Variants in ADARB2 observed in about 807,000 individuals in gnomAD.
ADARB2 encodes the protein adenosine deaminase RNA specific B2 (inactive).
A neutral mutation model predicts 62.2 loss-of-function variants in ADARB2; 25 were observed. The observed-to-expected ratio is 0.40, with a 90% CI of 0.29 to 0.56. The LOEUF (loss-of-function observed/expected upper bound fraction) is 0.56, where lower values mean the gene tolerates loss of function less well. Among genes scored for constraint, ADARB2 ranks in the 20% least tolerant of loss-of-function variants. ADARB2 has a pLI of 0.43. For synonymous variants in ADARB2, 572 were observed against 500.8 expected, an observed-to-expected ratio of 1.14 and a Z score of -1.90; for missense variants, 1,071 against 1,077.4, an observed-to-expected ratio of 0.99 and a Z score of 0.08.
At chr10:1,633,471 AAAAACCC>A (rs1443246988) in intron 1 of ADARB2, among the ~76,000 whole-genome samples, 2 of 152,168 alleles carry the variant, frequency 1.3e-5, no homozygotes, top group Non-Finnish European at 2.9e-5. Flanking sequence ...CAAAATCTGA[AAAAACCC>A]AAATCCCAAG....
chr10:1,216,995 C>G lies in ADARB2; in HGVS notation c.1638G>C (p.Leu546=), dbSNP rs142381078. ...SAVQTWDGVL[L]GEQLITMSCT... ...AGGACATGGTGATCAGCTGCTCCCC[C>G]AGCAGGACGCCGTCCCAGGTCTGCA... The change falls in exon 7 of 10, where the codon CTG becomes CTC. Residue 546 remains leucine, a synonymous_variant. Transcript: ENST00000381312. 2 of 1,610,108 alleles carry G rather than the reference C, an allele frequency of 1.2e-6. No individual in the cohort carries two copies. Among genetic ancestry groups the G allele is most frequent in the East Asian group, 2.2e-5 (1 of 44,866 alleles).
intron 1 of ADARB2, among the ~76,000 whole-genome samples, chr10:1,481,724 G>T (rs1177884535): frequency 6.6e-6 from 1 of 152,148 alleles, no homozygotes; most frequent in South Asian, 2.1e-4. Flanking sequence ...GGGTATGGGG[G>T]CGGGTGCCTG....
chr10:1,306,265 A>G (rs1332974402), intron 3 of ADARB2, among the ~76,000 whole-genome samples: 2 of 151,864 alleles, frequency 1.3e-5, no homozygotes, highest in Non-Finnish European at 2.9e-5. Context: ...TACACCAACA[A>G]CAGACAAACA....
rs1329267635 is a variant in ADARB2, at chr10:1,363,009, C to T, written c.1077+19G>A. 9 of 1,328,032 alleles carry T rather than the reference C, an allele frequency of 6.8e-6. No homozygotes were observed. Among genetic ancestry groups the T allele is most frequent in the Non-Finnish European group, 8.7e-6 (9 of 1,036,276 alleles). The allele number at this position is 1,328,032 out of a possible 1,614,324, so 82.3% of individuals were successfully genotyped here. A position where few individuals can be genotyped will look rare whatever the true frequency, so the allele number is the denominator to read the frequency against. On this transcript the variant is annotated intron_variant, in intron 3 of 9. Transcript: ENST00000381312. ...CCCCCAGCGCCGCCCGTTCCCCCTG[C>T]ACCCGCCGCGCCCCTCACCTGCGGC...
At chr10:1,708,045 C>T (rs1834911032) in intron 1 of ADARB2, among the ~76,000 whole-genome samples, 1 of 152,180 alleles carries the variant, frequency 6.6e-6, no homozygotes, top group African/African-American at 2.4e-5. Flanking sequence ...GTAGCTTGTG[C>T]TCACATGAGG....
At chr10:1,383,617 A>C (rs906922057) in intron 1 of ADARB2, among the ~76,000 whole-genome samples, 2 of 152,210 alleles carry the variant, frequency 1.3e-5, no homozygotes, top group Non-Finnish European at 2.9e-5. Context: ...TGTACTTTGA[A>C]AATCAAAATA....
At position 1,278,104 on chromosome 10, in the gene ADARB2, G is replaced by C. The variant is rs1310983627; in HGVS notation, c.1078-7035C>G. Among the ~76,000 whole-genome samples, 12 of 152,102 alleles carry C rather than the reference G, an allele frequency of 7.9e-5. No individual in the cohort carries two copies. In the East Asian group the frequency reaches 2.3e-3, roughly 29 times the overall value. ...AGTGCCTCAGCCTCCCAAGTAGCTG[G>C]GACTACAGGCGCGCGCCACTATGCC... On this transcript the variant is annotated intron_variant, in intron 3 of 9. Transcript: ENST00000381312.
At chr10:1,679,297 G>T (rs927210257) in intron 1 of ADARB2, among the ~76,000 whole-genome samples, 3 of 152,082 alleles carry the variant, frequency 2.0e-5, no homozygotes, top group Non-Finnish European at 2.9e-5. Flanking sequence ...CCTGGTTTGG[G>T]TGATAAATAA....
intron 1 of ADARB2, among the ~76,000 whole-genome samples, chr10:1,612,553 T>G (rs1158397424): frequency 2.0e-5 from 3 of 152,242 alleles, no homozygotes; most frequent in Non-Finnish European, 4.4e-5. Flanking sequence ...TCTATTATTG[T>G]CCTTGTTTAT....
Position 1,182,555 on chromosome 10 carries a change from A to AGG in ADARB2, c.*636_*637dup, listed in dbSNP as rs1836691457. The AGG allele has an allele frequency of 6.6e-6, 1 of 152,182 alleles. No individual in the cohort carries two copies. The highest frequency in any genetic ancestry group is 1.5e-5 in the Non-Finnish European group (1 of 68,210). The allele number at this position is 152,182 out of a possible 1,614,324, so 9.4% of individuals were successfully genotyped here. On this transcript the variant is annotated 3_prime_UTR_variant, in exon 10 of 10. Coordinates refer to ENST00000381312, the MANE Select transcript of ADARB2 (RefSeq NM_018702.4). ...GTCACAGGTCTTAACTCTGCCTCGC[A>AGG]GGGGTTTTGGAAACTGTTCCTTCAC...
At chr10:1,702,525 C>G (rs1226654061) in intron 1 of ADARB2, among the ~76,000 whole-genome samples, 2 of 152,234 alleles carry the variant, frequency 1.3e-5, no homozygotes, top group African/African-American at 2.4e-5. Flanking sequence ...GTCCATCACT[C>G]TCTTCCCTTT....
intron 1 of ADARB2, among the ~76,000 whole-genome samples, chr10:1,531,295 G>C (rs1044697913): frequency 6.6e-6 from 1 of 152,236 alleles, no homozygotes; most frequent in Admixed American, 6.5e-5. Context: ...AGGACAAAGC[G>C]AGTGTGCAGG....
intron 1 of ADARB2, among the ~76,000 whole-genome samples, chr10:1,425,582 G>A (rs923528811): frequency 7.2e-5 from 11 of 152,178 alleles, no homozygotes; most frequent in African/African-American, 2.2e-4. Flanking sequence ...CCGCGGTGTG[G>A]GAGCCTGGGC....
intron 6 of ADARB2, among the ~76,000 whole-genome samples, chr10:1,229,165 G>A (rs1830774815): frequency 6.6e-6 from 1 of 152,192 alleles, no homozygotes; most frequent in Non-Finnish European, 1.5e-5. Context: ...GAGGCCTCCA[G>A]GAATGGGGAA....
chr10:1,273,135 A>T (rs1212757435), intron 3 of ADARB2, among the ~76,000 whole-genome samples: 1 of 152,214 alleles, frequency 6.6e-6, no homozygotes, highest in Non-Finnish European at 1.5e-5. Context: ...TAACTTGAGG[A>T]TATCTGCAGA....
At chr10:1,371,009 A>G (rs1018089589) in intron 2 of ADARB2, among the ~76,000 whole-genome samples, 2 of 152,270 alleles carry the variant, frequency 1.3e-5, no homozygotes, top group African/African-American at 4.8e-5. Flanking sequence ...GTCCTGAGAA[A>G]AAGAACAGAT....
At chr10:1,396,292 T>G (rs1832612566) in intron 1 of ADARB2, among the ~76,000 whole-genome samples, 1 of 152,078 alleles carries the variant, frequency 6.6e-6, no homozygotes, top group African/African-American at 2.4e-5. Context: ...TTCCCATCCC[T>G]GTCCCCACCC....
intron 4 of ADARB2, among the ~76,000 whole-genome samples, chr10:1,258,625 T>C (rs1020119015): frequency 6.6e-6 from 1 of 152,198 alleles, no homozygotes; most frequent in African/African-American, 2.4e-5. Context: ...ATGCATCCAA[T>C]ACAGGAGCAC....
At chr10:1,473,272 C>T (rs1831350628) in intron 1 of ADARB2, among the ~76,000 whole-genome samples, 1 of 152,216 alleles carries the variant, frequency 6.6e-6, no homozygotes, top group Admixed American at 6.5e-5. Context: ...GCCCCTCAGG[C>T]GAATTCTTTC....
Sources: allele counts gnomAD v4.1 joint callset (sites outside exome capture counted in the v4.1 genomes callset), GRCh38; gene constraint gnomAD v4.1.1; transcripts MANE v1.5; gene names NCBI Gene and HGNC (gene_info 2026-07-23, HGNC 2026-07-21).